TMC7: variants seen among roughly 807,000 people sequenced by gnomAD.
TMC7 encodes transmembrane channel-like protein 7.
A neutral mutation model predicts 82.9 loss-of-function variants in TMC7; 54 were observed. The observed-to-expected ratio is 0.65, with a 90% CI of 0.52 to 0.82. The LOEUF (loss-of-function observed/expected upper bound fraction) is 0.82, where lower values mean the gene tolerates loss of function less well. Among genes scored for constraint, TMC7 ranks in the 40% least tolerant of loss-of-function variants. The pLI is 0.00. For missense variants in TMC7, 820 were observed against 901.2 expected (o/e 0.91, Z 1.15); for synonymous variants, 350 against 337.9 (o/e 1.04, Z -0.39).
intron 1 of TMC7, among the ~76,000 whole-genome samples, chr16:19,004,008 A>T (rs1249484916): frequency 9.1e-6 from 1 of 109,476 alleles, no homozygotes; most frequent in Non-Finnish European, 1.9e-5. Context: ...CCTCTGTGAG[A>T]AACACCCAAG....
chr16:19,025,646 C>CA (rs199666379), intron 5 of TMC7, among the ~76,000 whole-genome samples: 2,173 of 151,762 alleles, frequency 0.014, 59 homozygotes, highest in African/African-American at 0.05. Context: ...AAACAAAAAA[C>CA]AAAAAAACAA....
In TMC7 at chr16:19,061,930, G is replaced by A. The variant is rs577779393; in HGVS notation, c.*87G>A. On this transcript the variant is annotated 3_prime_UTR_variant, in exon 16 of 16. Coordinates refer to ENST00000304381, the MANE Select transcript of TMC7 (RefSeq NM_024847.4). Reference sequence around the variant, plus strand: ...AGCCTACAGAGTCTACCTGGGTTTTGAGTGGACATTTAAAAATATATTTTT... The same window carrying A: ...AGCCTACAGAGTCTACCTGGGTTTTAAGTGGACATTTAAAAATATATTTTT... 477 of 1,099,802 alleles carry A rather than the reference G, an allele frequency of 4.3e-4. 5 individuals carry two copies. The highest frequency in any genetic ancestry group is 1.7e-3 in the Middle Eastern group (8 of 4,802). The allele number at this position is 1,099,802 out of a possible 1,614,324, so 68.1% of individuals were successfully genotyped here. A position where few individuals can be genotyped will look rare whatever the true frequency, so the allele number is the denominator to read the frequency against.
intron 1 of TMC7, 120 bp from the exon 2 acceptor site, chr16:19,009,052 C>A: frequency 8.8e-7 from 1 of 1,135,384 alleles, no homozygotes; most frequent in Middle Eastern, 3.0e-4. Context: ...AAAATGCTGT[C>A]GTCACTGACC....
chr16:19,040,353 C>T lies in TMC7; in HGVS notation c.1244C>T (p.Thr415Met), dbSNP rs1287293938. ...TTGTATCTACCGTCTATTGTGATCA[C>T]GCTGGCCAATTTTATCACCCCAATG... ...FILYLPSIVI[T>M]LANFITPMIF... The change falls in exon 9 of 16, where the codon ACG becomes ATG. Residue 415 changes from threonine (T) to methionine (M), a missense_variant. Thr to Met is a moderately conservative substitution (Grantham distance 81). Around this residue, in one of 2 missense-constraint regions of TMC7, gnomAD observed 650 missense variants for 669.9 expected, o/e 0.97. Transcript: ENST00000304381. The T allele has an allele frequency of 2.5e-6, 4 of 1,613,796 alleles. No homozygotes were observed. The highest frequency in any genetic ancestry group is 2.2e-5 in the East Asian group (1 of 44,892).
At chr16:19,036,729 C>A (rs1960767579) in intron 7 of TMC7, among the ~76,000 whole-genome samples, 2 of 150,892 alleles carry the variant, frequency 1.3e-5, no homozygotes, top group Admixed American at 6.6e-5. Flanking sequence ...AAAAAAAGTA[C>A]ATGAGAGTTT....
Position 19,059,486 on chromosome 16 carries a change from C to T in TMC7, c.2098C>T (p.Leu700=), listed in dbSNP as rs2142325059. Reference sequence around the variant, plus strand: ...GGTGGTCATCCAGCTCCGAGAGCAGCTATCCCTGGTAAGGAAGCATAGCTC... The same window carrying T: ...GGTGGTCATCCAGCTCCGAGAGCAGTTATCCCTGGTAAGGAAGCATAGCTC... ...KRVVIQLREQ[L]SLESRDKCYL... is the part of the protein sequence containing the mutation. The change falls in exon 15 of 16, where the codon CTA becomes TTA. Residue 700 remains leucine (L), a synonymous_variant. Coordinates refer to ENST00000304381, the MANE Select transcript of TMC7 (RefSeq NM_024847.4). 1.9e-6 allele frequency: 3 copies of T among 1,614,166 alleles called. No homozygotes were observed. The East Asian group carries it at 6.7e-5, about 36-fold the overall frequency.
At chr16:19,045,923 C>A (rs976743379) in intron 11 of TMC7, among the ~76,000 whole-genome samples, 4 of 151,798 alleles carry the variant, frequency 2.6e-5, no homozygotes, top group African/African-American at 9.7e-5. Flanking sequence ...TAGAGAGGGG[C>A]TCTTGCTATG....
chr16:18,986,343 C>G (rs1364110744), intron 1 of TMC7, among the ~76,000 whole-genome samples: 1 of 144,550 alleles, frequency 6.9e-6, no homozygotes, highest in African/African-American at 2.6e-5. Flanking sequence ...TGCAGTGAGC[C>G]GAGATTGTGC....
chr16:19,018,667 T>C (rs1356692058), intron 3 of TMC7, among the ~76,000 whole-genome samples: 1 of 152,046 alleles, frequency 6.6e-6, no homozygotes, highest in Admixed American at 6.6e-5. Context: ...CCAGGCACAG[T>C]GGCTCATGCC....
In TMC7 at chr16:18,984,178, G is replaced by A. The variant is rs1315200196; in HGVS notation, c.67+48G>A. The A allele has an allele frequency of 5.6e-5, 82 of 1,455,154 alleles. No homozygotes were observed. The East Asian group carries it at 2.2e-3, about 39-fold the overall frequency. 90.1% of individuals were successfully genotyped at this position (1,455,154 alleles called of 1,614,324 possible). On this transcript the variant is annotated intron_variant, in intron 1 of 15. Coordinates refer to ENST00000304381, the MANE Select transcript of TMC7 (RefSeq NM_024847.4). ...CGGGGACGGTGCCCCTGGGGTCCGAGGGCGCACGGAGGGAGCCGGGTGCTG... is the reference window on the plus strand; with the variant it reads ...CGGGGACGGTGCCCCTGGGGTCCGAAGGCGCACGGAGGGAGCCGGGTGCTG...
chr16:18,990,000 T>C (rs1596711693), intron 1 of TMC7, among the ~76,000 whole-genome samples: 1 of 150,984 alleles, frequency 6.6e-6, no homozygotes, highest in East Asian at 2.0e-4. Context: ...CAGCAAAGGG[T>C]GGTGGATTAT....
chr16:18,995,256 T>C (rs1204213084), intron 1 of TMC7, among the ~76,000 whole-genome samples: 1 of 152,036 alleles, frequency 6.6e-6, no homozygotes, highest in Non-Finnish European at 1.5e-5. Flanking sequence ...AACTGGCCCT[T>C]GAAAAGAGGG....
intron 1 of TMC7, among the ~76,000 whole-genome samples, chr16:18,998,147 A>C (rs1194548509): frequency 6.6e-6 from 1 of 152,160 alleles, no homozygotes; most frequent in Non-Finnish European, 1.5e-5. Context: ...GCAAATAGTA[A>C]ATTCCTACCT....
intron 1 of TMC7, among the ~76,000 whole-genome samples, chr16:18,997,709 ACTC>A (rs950411786): frequency 4.2e-5 from 6 of 141,688 alleles, no homozygotes; most frequent in Non-Finnish European, 9.1e-5. Context: ...TCTGCAAACA[ACTC>A]CTGTGCCAAA....
Position 19,016,353 on chromosome 16 carries a change from G to A in TMC7, c.312-97G>A. 4 of 1,471,664 alleles carry A rather than the reference G, an allele frequency of 2.7e-6. No homozygotes were observed. In the South Asian group the frequency reaches 3.8e-5, roughly 14 times the overall value. The allele number at this position is 1,471,664 out of a possible 1,614,324, so 91.2% of individuals were successfully genotyped here. A position where few individuals can be genotyped will look rare whatever the true frequency, so the allele number is the denominator to read the frequency against. On this transcript the variant is annotated intron_variant, in intron 2 of 15. Transcript: ENST00000304381. ...GATCCACCTGCCTCGGCCTCCCAGAGTGCTGGGATTACAGGCGTGAGCTAC... is the reference window on the plus strand; with the variant it reads ...GATCCACCTGCCTCGGCCTCCCAGAATGCTGGGATTACAGGCGTGAGCTAC...
chr16:19,061,639 G>A, intron 15 of TMC7, 139 bp from the exon 16 acceptor site: 1 of 634,992 alleles, frequency 1.6e-6, no homozygotes, highest in Non-Finnish European at 2.7e-6. Flanking sequence ...AGGGGCTGTG[G>A]AGCAGACACA....
intron 1 of TMC7, 118 bp downstream of exon 1, chr16:18,984,248 T>G (rs1596703926): frequency 7.4e-7 from 1 of 1,343,132 alleles, no homozygotes; most frequent in Non-Finnish European, 9.5e-7. Context: ...CGACGCCGGG[T>G]GCTCCCGGCT....
chr16:19,043,245 C>T (rs147151517), intron 9 of TMC7, among the ~76,000 whole-genome samples: 18 of 152,214 alleles, frequency 1.2e-4, no homozygotes, highest in Admixed American at 5.9e-4. Context: ...CTGCAGCATA[C>T]TTTTTTTCAC....
At chr16:19,057,054 G>A (rs1046748884) in intron 14 of TMC7, among the ~76,000 whole-genome samples, 2 of 152,052 alleles carry the variant, frequency 1.3e-5, no homozygotes, top group African/African-American at 4.8e-5. Context: ...CATGAGAATC[G>A]CTTGAACCTG....
Sources: allele counts gnomAD v4.1 joint callset (sites outside exome capture counted in the v4.1 genomes callset), GRCh38; gene constraint gnomAD v4.1.1; regional missense constraint gnomAD v4.1.1; transcripts MANE v1.5; gene names NCBI Gene and HGNC (gene_info 2026-07-23, HGNC 2026-07-21).